Variants in FBXL17 observed in about 807,000 individuals in gnomAD.
The protein encoded by FBXL17 is F-box and leucine rich repeat protein 17, also known as F-box/LRR-repeat protein 17.
In FBXL17, 22 loss-of-function variants were observed where a neutral mutation model predicts 66.2. The ratio of observed to expected loss-of-function variants is 0.33; its 90% CI spans 0.24 to 0.47. FBXL17 has a LOEUF of 0.47. Among genes scored for constraint, FBXL17 ranks in the 20% least tolerant of loss-of-function variants. The probability of loss-of-function intolerance (pLI) is 1.00; values close to 1 mark genes in which losing one functional copy is unlikely to be tolerated. For synonymous variants in FBXL17, 474 were observed against 400.5 expected (o/e 1.18, Z -2.19); for missense variants, 878 against 948.2 (o/e 0.93, Z 0.97).
At position 108,261,506 on chromosome 5, in the gene FBXL17, T is replaced by C. The variant is rs188444351; in HGVS notation, c.1507-37278A>G. ...AGAATATAATATATTTTTTAAGTATTGAAGAAAACAATTTTGACTCTAGAA... is the reference window on the plus strand; with the variant it reads ...AGAATATAATATATTTTTTAAGTATCGAAGAAAACAATTTTGACTCTAGAA... On this transcript the variant is annotated intron_variant, in intron 4 of 8. Coordinates refer to ENST00000542267, the MANE Select transcript of FBXL17 (RefSeq NM_001163315.3). 6.9e-3 allele frequency among the ~76,000 whole-genome samples: 1,055 copies of C among 152,182 alleles called. 6 individuals are homozygous for C. The highest frequency in any genetic ancestry group is 0.01 in the South Asian group (50 of 4,820).
chr5:108,355,870 T>C (rs1747952807), intron 3 of FBXL17, among the ~76,000 whole-genome samples: 1 of 152,172 alleles, frequency 6.6e-6, no homozygotes, highest in South Asian at 2.1e-4. Flanking sequence ...ATATGGTAGA[T>C]ATTAATCCAA....
intron 6 of FBXL17, among the ~76,000 whole-genome samples, chr5:108,182,080 A>T (rs543111480): frequency 1.3e-5 from 2 of 152,304 alleles, no homozygotes; most frequent in East Asian, 3.9e-4. Context: ...CTCGATCCTT[A>T]CAAGGCTCAC....
chr5:108,137,773 A>G (rs1226073061), intron 6 of FBXL17, among the ~76,000 whole-genome samples: 1 of 152,202 alleles, frequency 6.6e-6, no homozygotes, highest in East Asian at 1.9e-4. Context: ...TTTATTTCAT[A>G]CAATGTTTCT....
chr5:108,325,153 C>G (rs934205843), intron 4 of FBXL17, among the ~76,000 whole-genome samples: 5 of 151,936 alleles, frequency 3.3e-5, no homozygotes, highest in Non-Finnish European at 5.9e-5. Flanking sequence ...CGTCACTAAA[C>G]TGAATACTTA....
At position 107,975,032 on chromosome 5, in the gene FBXL17, G is replaced by A. The variant is rs553815897; in HGVS notation, c.1822+45893C>T. On this transcript the variant is annotated intron_variant, in intron 7 of 8. Coordinates refer to ENST00000542267, the MANE Select transcript of FBXL17 (RefSeq NM_001163315.3). Reference sequence around the variant, plus strand: ...TTTATATCAAAAGCCTGCCCTAGACGAGAGTCCTAAAAATATAGTAAGATT... The same window carrying A: ...TTTATATCAAAAGCCTGCCCTAGACAAGAGTCCTAAAAATATAGTAAGATT... Among the ~76,000 whole-genome samples, 39 of 152,244 alleles carry A rather than the reference G, an allele frequency of 2.6e-4. No individual in the cohort carries two copies. The South Asian group carries it at 6.8e-3, about 27-fold the overall frequency.
At chr5:108,361,946 G>C (rs539998869) in intron 3 of FBXL17, among the ~76,000 whole-genome samples, 1 of 152,128 alleles carries the variant, frequency 6.6e-6, no homozygotes, top group Non-Finnish European at 1.5e-5. Context: ...TGGGGAATGG[G>C]TGAGGCACAG....
intron 7 of FBXL17, among the ~76,000 whole-genome samples, chr5:107,987,327 G>T: frequency 6.7e-6 from 1 of 149,656 alleles, no homozygotes; most frequent in African/African-American, 2.5e-5. Flanking sequence ...TCACCTTTTT[G>T]TAAAAAGAAA....
At chr5:108,181,462 A>G (rs996481205) in intron 6 of FBXL17, among the ~76,000 whole-genome samples, 1 of 152,218 alleles carries the variant, frequency 6.6e-6, no homozygotes, top group Non-Finnish European at 1.5e-5. Flanking sequence ...AAACAAAGAT[A>G]AAGAGCAGCA....
intron 7 of FBXL17, among the ~76,000 whole-genome samples, chr5:107,970,938 T>C (rs1752348382): frequency 3.3e-5 from 5 of 152,162 alleles, no homozygotes. Context: ...ATTGGATTTA[T>C]GTAAAATTAT....
At chr5:107,982,649 T>C (rs1439254266) in intron 7 of FBXL17, among the ~76,000 whole-genome samples, 1 of 152,214 alleles carries the variant, frequency 6.6e-6, no homozygotes, top group Non-Finnish European at 1.5e-5. Context: ...TAAACCATTT[T>C]ACTGAGCATA....
intron 6 of FBXL17, among the ~76,000 whole-genome samples, chr5:108,128,667 A>G (rs1460353944): frequency 6.6e-6 from 1 of 152,074 alleles, no homozygotes; most frequent in Non-Finnish European, 1.5e-5. Flanking sequence ...GAGTCTACAA[A>G]ACACAGTTAA....
rs1265922938 is a variant in FBXL17, at chr5:108,263,819, C to T, written c.1507-39591G>A. ...TGTCCAGGAAACTTCACTCCAAAAACCCATGATATGGGAGAAAGAGAAAAT... is the reference window on the plus strand; with the variant it reads ...TGTCCAGGAAACTTCACTCCAAAAATCCATGATATGGGAGAAAGAGAAAAT... On this transcript the variant is annotated intron_variant, in intron 4 of 8. Transcript: ENST00000542267. Among the ~76,000 whole-genome samples, 4 of 152,272 alleles carry T rather than the reference C, an allele frequency of 2.6e-5. 1 individual carries two copies. Among genetic ancestry groups the T allele is most frequent in the Admixed American group, 2.0e-4 (3 of 15,290 alleles).
chr5:107,931,143 C>A (rs974704420), intron 7 of FBXL17, among the ~76,000 whole-genome samples: 1 of 152,108 alleles, frequency 6.6e-6, no homozygotes, highest in Non-Finnish European at 1.5e-5. Flanking sequence ...CTGAACTGAC[C>A]AGTTTGTATG....
intron 6 of FBXL17, among the ~76,000 whole-genome samples, chr5:108,119,633 G>C (rs10479428): frequency 0.03 from 4,604 of 152,214 alleles, 221 homozygotes; most frequent in African/African-American, 0.1. Flanking sequence ...AATTAAATAA[G>C]AACATCTGAT....
chr5:108,232,814 T>A (rs1029109644), intron 4 of FBXL17, among the ~76,000 whole-genome samples: 1 of 131,470 alleles, frequency 7.6e-6, no homozygotes, highest in African/African-American at 2.9e-5. Flanking sequence ...TAATATATAC[T>A]ATTAGTTCTG....
In FBXL17 at chr5:108,055,291, AAAAAAAAAAAAAAAAAAAAAAAG is replaced by A. The variant is rs1274843810; in HGVS notation, c.1746-34313_1746-34291del. 7.8e-4 allele frequency among the ~76,000 whole-genome samples: 48 copies of A among 61,264 alleles called. No individual in the cohort carries two copies. The South Asian group carries it at 0.029, about 37-fold the overall frequency. The allele number at this position is 61,264 out of a possible 152,430, so 40.2% of individuals were successfully genotyped here. ...ACATAGAATTTTTAGAAAAAAAAAA[AAAAAAAAAAAAAAAAAAAAAAAG>A]AAAAACGCTTCAGGCCGGGCACGGT... On this transcript the variant is annotated intron_variant, in intron 6 of 8. Transcript: ENST00000542267.
chr5:108,053,883 T>C (rs1343459743), intron 6 of FBXL17, among the ~76,000 whole-genome samples: 1 of 152,126 alleles, frequency 6.6e-6, no homozygotes, highest in Admixed American at 6.6e-5. Context: ...AATGATAGAC[T>C]TGATAAAGAA....
intron 6 of FBXL17, among the ~76,000 whole-genome samples, chr5:108,055,384 G>A (rs1393256511): frequency 4.7e-5 from 7 of 147,816 alleles, no homozygotes; most frequent in Admixed American, 1.4e-4. Flanking sequence ...CGAGGCGGGC[G>A]GATCACAAGG....
chr5:108,194,609 T>C (rs909238503), intron 5 of FBXL17, among the ~76,000 whole-genome samples: 3 of 152,180 alleles, frequency 2.0e-5, no homozygotes, highest in Non-Finnish European at 2.9e-5. Context: ...TTTCCTAGAC[T>C]GTGCTGCTCA....
Sources: gnomAD v4.1 joint callset for allele counts (sites outside exome capture counted in the v4.1 genomes callset) on GRCh38, gnomAD v4.1.1 for gene constraint, MANE v1.5 for transcripts, NCBI Gene and HGNC (gene_info 2026-07-23, HGNC 2026-07-21) for gene names.